The following PTPRT variants were observed in gnomAD, a reference collection of about 807,000 sequenced individuals.
PTPRT encodes the protein receptor-type tyrosine-protein phosphatase T.
Under a neutral mutation model 176.8 loss-of-function variants are expected in PTPRT, and 56 were observed. The ratio of observed to expected loss-of-function variants is 0.32; its 90% confidence interval spans 0.26 to 0.40. The LOEUF (loss-of-function observed/expected upper bound fraction) is 0.40. Ranked by LOEUF, PTPRT falls within the 10% of genes least tolerant of loss-of-function variation. The pLI is 1.00. For missense variants in PTPRT, 1,540 were observed against 1,908.2 expected, an observed-to-expected ratio of 0.81 and a Z score of 3.60; for synonymous variants, 783 against 739.0, an observed-to-expected ratio of 1.06 and a Z score of -0.96.
intron 16 of PTPRT, among the ~76,000 whole-genome samples, chr20:42,188,684 G>C (rs181663425): frequency 4.6e-5 from 7 of 152,154 alleles, no homozygotes; most frequent in East Asian, 1.9e-4. Context: ...TATTTACATC[G>C]TCAACATCAC....
At chr20:42,794,355 C>G (rs1407055613) in intron 2 of PTPRT, among the ~76,000 whole-genome samples, 1 of 152,182 alleles carries the variant, frequency 6.6e-6, no homozygotes, top group Non-Finnish European at 1.5e-5. Context: ...AAAGACTGGT[C>G]CTTGGACCAG....
At chr20:42,890,022 A>G (rs1419413136) in intron 1 of PTPRT, among the ~76,000 whole-genome samples, 2 of 152,212 alleles carry the variant, frequency 1.3e-5, no homozygotes, top group Non-Finnish European at 2.9e-5. Context: ...CTTTGATCAG[A>G]CAAGAATTTC....
intron 7 of PTPRT, among the ~76,000 whole-genome samples, chr20:42,575,207 T>C (rs1402757931): frequency 6.6e-6 from 1 of 152,110 alleles, no homozygotes; most frequent in Non-Finnish European, 1.5e-5. Context: ...AAGAGACCCG[T>C]CCCTTGGTCA....
chr20:42,250,515 C>T (rs967556559), intron 13 of PTPRT, among the ~76,000 whole-genome samples: 1 of 152,056 alleles, frequency 6.6e-6, no homozygotes, highest in Admixed American at 6.6e-5. Flanking sequence ...TGCTTAAGAG[C>T]ATTAAGTGTT....
At chr20:42,402,955 C>A (rs2058923734) in intron 9 of PTPRT, among the ~76,000 whole-genome samples, 1 of 152,004 alleles carries the variant, frequency 6.6e-6, no homozygotes, top group South Asian at 2.1e-4. Context: ...ATACAGCTGA[C>A]ATATATAAAA....
At chr20:42,983,501 A>G (rs943525991) in intron 1 of PTPRT, among the ~76,000 whole-genome samples, 1 of 152,314 alleles carries the variant, frequency 6.6e-6, no homozygotes, top group African/African-American at 2.4e-5. Flanking sequence ...CTGCCTCCCA[A>G]GTGAAGTCCC....
intron 14 of PTPRT, among the ~76,000 whole-genome samples, chr20:42,247,709 A>G (rs1299761211): frequency 1.3e-5 from 2 of 152,186 alleles, no homozygotes; most frequent in South Asian, 2.1e-4. Context: ...TTTGTTTGCT[A>G]TGATAGACTG....
intron 2 of PTPRT, among the ~76,000 whole-genome samples, chr20:42,828,421 AC>A (rs2078032712): frequency 6.6e-6 from 1 of 152,150 alleles, no homozygotes; most frequent in East Asian, 1.9e-4. Context: ...GAAAAGAAAA[AC>A]CCATTTTCTG....
In PTPRT at chr20:42,940,783, C is replaced by CA. The variant is rs1371265916; in HGVS notation, c.89-54852dup. Among the ~76,000 whole-genome samples, 5 of 151,950 alleles carry CA rather than the reference C, an allele frequency of 3.3e-5. No homozygotes were observed. In the South Asian group the frequency reaches 8.3e-4, roughly 25 times the overall value. ...ATGAAGCTGGGTACATTTCAGCACACAAAAAAATAGGATTTCAGCTGGGTG... is the reference window on the plus strand; with the variant it reads ...ATGAAGCTGGGTACATTTCAGCACACAAAAAAAATAGGATTTCAGCTGGGTG... On this transcript the variant is annotated intron_variant, in intron 1 of 30. Coordinates refer to ENST00000373187, the MANE Select transcript of PTPRT (RefSeq NM_007050.6).
chr20:42,684,942 C>T (rs1035082541), intron 6 of PTPRT, among the ~76,000 whole-genome samples: 1 of 152,144 alleles, frequency 6.6e-6, no homozygotes, highest in Non-Finnish European at 1.5e-5. Context: ...CCTCTGACTG[C>T]CCTTAGTGTT....
intron 13 of PTPRT, among the ~76,000 whole-genome samples, chr20:42,272,628 C>G (rs73909252): frequency 0.17 from 25,351 of 152,004 alleles, 2,308 homozygotes; most frequent in Non-Finnish European, 0.19. Context: ...TGTCCTTCCC[C>G]AAAAAGGCAG....
intron 7 of PTPRT, among the ~76,000 whole-genome samples, chr20:42,612,391 C>G (rs895922233): frequency 6.6e-6 from 1 of 152,190 alleles, no homozygotes; most frequent in African/African-American, 2.4e-5. Context: ...CCACCCCAAC[C>G]CCTTCTGTGA....
chr20:42,398,478 CG>C (rs1398234423), intron 9 of PTPRT, among the ~76,000 whole-genome samples: 1 of 152,040 alleles, frequency 6.6e-6, no homozygotes, highest in Non-Finnish European at 1.5e-5. Context: ...AGTACTATAT[CG>C]TCATTAAATG....
intron 2 of PTPRT, among the ~76,000 whole-genome samples, chr20:42,797,397 T>C (rs2077467994): frequency 6.6e-6 from 1 of 152,202 alleles, no homozygotes; most frequent in Non-Finnish European, 1.5e-5. Context: ...AACCGTGACA[T>C]GTTCTCGACT....
chr20:42,729,036 T>C (rs1284778517), intron 6 of PTPRT, among the ~76,000 whole-genome samples: 1 of 151,794 alleles, frequency 6.6e-6, no homozygotes, highest in Admixed American at 6.6e-5. Context: ...GAACAATCCA[T>C]AGAGGGGCTT....
intron 14 of PTPRT, among the ~76,000 whole-genome samples, chr20:42,246,041 T>G (rs2056444736): frequency 6.6e-6 from 1 of 152,202 alleles, no homozygotes; most frequent in African/African-American, 2.4e-5. Flanking sequence ...AGCCTGCTAC[T>G]TGGAAGTTTC....
intron 9 of PTPRT, among the ~76,000 whole-genome samples, chr20:42,369,114 A>T: frequency 7.2e-6 from 1 of 139,402 alleles, no homozygotes; most frequent in Non-Finnish European, 1.5e-5. Context: ...CCTTCCATCC[A>T]TCCGTCCGTC....
chr20:42,490,402 C>CT (rs1491066172), intron 7 of PTPRT, among the ~76,000 whole-genome samples: 3 of 151,974 alleles, frequency 2.0e-5, no homozygotes, highest in African/African-American at 7.3e-5. Flanking sequence ...TTTTAACTCT[C>CT]TTATTAAAGT....
intron 1 of PTPRT, among the ~76,000 whole-genome samples, chr20:42,964,677 T>C (rs764593879): frequency 5.9e-5 from 9 of 152,180 alleles, no homozygotes; most frequent in Non-Finnish European, 1.3e-4. Context: ...TCTCCCTACA[T>C]GGAATTAATT....
Sources: gnomAD v4.1 joint callset for allele counts (sites outside exome capture counted in the v4.1 genomes callset) on GRCh38, gnomAD v4.1.1 for gene constraint, MANE v1.5 for transcripts, NCBI Gene and HGNC (gene_info 2026-07-23, HGNC 2026-07-21) for gene names.